The following TNRC6B variants were observed in gnomAD, a reference collection of about 807,000 sequenced individuals.
TNRC6B encodes trinucleotide repeat-containing gene 6B protein.
A neutral mutation model predicts 203.6 loss-of-function variants in TNRC6B; 52 were observed. That is an observed-to-expected ratio of 0.26 (90% confidence interval 0.20 to 0.32). TNRC6B has a LOEUF of 0.32. Ranked by LOEUF, TNRC6B falls within the 10% of genes least tolerant of loss-of-function variation. The probability of loss-of-function intolerance (pLI) is 1.00; values close to 1 mark genes in which losing one functional copy is unlikely to be tolerated. For synonymous variants in TNRC6B, 838 were observed against 845.7 expected (o/e 0.99, Z 0.16); for missense variants, 1,923 against 2,286.2 (o/e 0.84, Z 3.24).
At chr22:40,226,381 G>T (rs960282643) in intron 1 of TNRC6B, among the ~76,000 whole-genome samples, 5 of 152,042 alleles carry the variant, frequency 3.3e-5, no homozygotes, top group Admixed American at 6.5e-5. Flanking sequence ...GGATTTCCAG[G>T]ATTCGAATAA....
chr22:40,128,175 G>GTT (rs2146326189), intron 3 of TNRC6B, among the ~76,000 whole-genome samples: 1 of 152,262 alleles, frequency 6.6e-6, no homozygotes, highest in East Asian at 1.9e-4. Context: ...ATCAGCCTTA[G>GTT]TTTAACTCAG....
At chr22:40,263,156 C>G (rs1304221600) in intron 4 of TNRC6B, among the ~76,000 whole-genome samples, 1 of 152,000 alleles carries the variant, frequency 6.6e-6, no homozygotes. Context: ...CTTAAAATGT[C>G]TTTTGGGGTG....
intron 4 of TNRC6B, among the ~76,000 whole-genome samples, chr22:40,264,147 G>T (rs963415267): frequency 6.6e-6 from 1 of 152,320 alleles, no homozygotes; most frequent in African/African-American, 2.4e-5. Flanking sequence ...ACAAGTTGTG[G>T]AATGTCAAGT....
At chr22:40,220,343 G>A (rs2069690952) in intron 1 of TNRC6B, among the ~76,000 whole-genome samples, 1 of 152,142 alleles carries the variant, frequency 6.6e-6, no homozygotes, top group Non-Finnish European at 1.5e-5. Context: ...CAAGGCAGCA[G>A]GTATACTCAG....
intron 11 of TNRC6B, 52 bp from the exon 12 acceptor site, chr22:40,285,593 T>C: frequency 6.3e-7 from 1 of 1,585,614 alleles, no homozygotes; most frequent in Middle Eastern, 1.7e-4. Flanking sequence ...TGTTTCTTAC[T>C]TGCATTTTCT....
In TNRC6B at chr22:40,148,588, A is replaced by G. The variant is rs572678254; in HGVS notation, c.46-7527A>G. Among the ~76,000 whole-genome samples, 6 of 150,054 alleles carry G rather than the reference A, an allele frequency of 4.0e-5. No individual in the cohort carries two copies. In the South Asian group the frequency reaches 1.3e-3, roughly 32 times the overall value. ...GTGGGCCACCGCGCCGGGCCAGAAA[A>G]CAGCTTCTTAAAAAGTTAAAACATG... On this transcript the variant is annotated intron_variant, in intron 3 of 23. Transcript: ENST00000301923.
intron 1 of TNRC6B, among the ~76,000 whole-genome samples, chr22:40,059,842 G>T (rs1156680143): frequency 9.2e-6 from 1 of 108,898 alleles, no homozygotes; most frequent in Non-Finnish European, 1.8e-5. Flanking sequence ...TTTTCCCCCC[G>T]AGACGGAGTC....
intron 1 of TNRC6B, among the ~76,000 whole-genome samples, chr22:40,227,630 T>C (rs1257824292): frequency 6.6e-6 from 1 of 152,104 alleles, no homozygotes; most frequent in Non-Finnish European, 1.5e-5. Context: ...GGATTACAGG[T>C]GTGAGCCACT....
intron 1 of TNRC6B, among the ~76,000 whole-genome samples, chr22:40,195,096 A>G (rs2069319854): frequency 6.6e-6 from 1 of 152,234 alleles, no homozygotes; most frequent in Non-Finnish European, 1.5e-5. Flanking sequence ...TTATTTGCAG[A>G]GACAACAATG....
rs34769532 is a variant in TNRC6B, at chr22:40,225,742, CAAAAAAAAAAAAA to C, written c.6-20260_6-20248del. 7.8e-5 allele frequency among the ~76,000 whole-genome samples: 5 copies of C among 64,352 alleles called. No individual in the cohort carries two copies. In the Admixed American group the frequency reaches 8.6e-4, roughly 11 times the overall value. The allele number at this position is 64,352 out of a possible 152,430, so 42.2% of individuals were successfully genotyped here. On this transcript the variant is annotated intron_variant, in intron 1 of 22. Coordinates refer to ENST00000454349, the MANE Select transcript of TNRC6B (RefSeq NM_001162501.2). The stretch of plus-strand genomic sequence containing the variant: ...TGAGCGACAGAGTGAGACTCCGTCT[CAAAAAAAAAAAAA>C]AAAAAAAAAAAAGAAGGAGAAGAAC...
At chr22:40,291,451 A>G (rs1048694777) in intron 12 of TNRC6B, among the ~76,000 whole-genome samples, 1 of 152,194 alleles carries the variant, frequency 6.6e-6, no homozygotes, top group African/African-American at 2.4e-5. Context: ...ATTCTTAAAG[A>G]AACCTCCAAC....
chr22:40,211,636 T>G (rs2069564831), intron 1 of TNRC6B, among the ~76,000 whole-genome samples: 1 of 152,090 alleles, frequency 6.6e-6, no homozygotes, highest in Non-Finnish European at 1.5e-5. Context: ...GACTCCTCCC[T>G]TCTCTATATT....
intron 1 of TNRC6B, among the ~76,000 whole-genome samples, chr22:40,056,182 G>T (rs563064976): frequency 6.6e-6 from 1 of 152,224 alleles, no homozygotes; most frequent in South Asian, 2.1e-4. Context: ...GCTTTCAGTT[G>T]CAGGATGTCC....
At chr22:40,074,668 A>G (rs1022571401) in intron 1 of TNRC6B, among the ~76,000 whole-genome samples, 1 of 151,910 alleles carries the variant, frequency 6.6e-6, no homozygotes, top group African/African-American at 2.4e-5. Flanking sequence ...AGTCCCAGCT[A>G]CCTGGGAGGC....
intron 1 of TNRC6B, among the ~76,000 whole-genome samples, chr22:40,046,240 A>C (rs533099998): frequency 3.2e-4 from 49 of 152,352 alleles, no homozygotes; most frequent in African/African-American, 1.1e-3. Flanking sequence ...TGGCTTCGAA[A>C]GTACAGATGT....
At chr22:40,315,231 A>G (rs2071242347) in intron 19 of TNRC6B, 52 bp from the exon 20 acceptor site, 2 of 1,486,474 alleles carry the variant, frequency 1.3e-6, no homozygotes, top group South Asian at 1.2e-5. Flanking sequence ...GTATTTGTCA[A>G]CAAAAGTGAA....
Position 40,088,500 on chromosome 22 carries a change from C to T in TNRC6B, c.-120-28555C>T, listed in dbSNP as rs536911480. Among the ~76,000 whole-genome samples the T allele has an allele frequency of 4.6e-5, 7 of 152,142 alleles. No individual in the cohort carries two copies. In the East Asian group the frequency reaches 9.7e-4, roughly 21 times the overall value. On this transcript the variant is annotated intron_variant, in intron 1 of 23. Transcript: ENST00000301923. Reference sequence around the variant, plus strand: ...AGTCTCAGCTTACTGCAACCTCCGCCTCCTAGATTCCAGCAATTCTCCTGC... The same window carrying T: ...AGTCTCAGCTTACTGCAACCTCCGCTTCCTAGATTCCAGCAATTCTCCTGC...
chr22:40,132,462 C>G (rs1448115822), intron 3 of TNRC6B, among the ~76,000 whole-genome samples: 2 of 150,486 alleles, frequency 1.3e-5, no homozygotes, highest in Non-Finnish European at 2.9e-5. Flanking sequence ...GCCTGGGTGA[C>G]AGTGTGAAAC....
rs139908 is a variant in TNRC6B, at chr22:40,301,172, TGCAGCA to T, written c.3979_3984del (p.Gln1327_Gln1328del). ...CAGCTGGCTCGAATGGTGAGTGCAC[TGCAGCA>T]GCAGCAGCAGCAGCAGCAGAGGCAG... On this transcript the variant is annotated inframe_deletion, in exon 15 of 23. Transcript: ENST00000454349. The T allele has an allele frequency of 1.3e-4, 196 of 1,529,636 alleles. No homozygotes were observed. The highest frequency in any genetic ancestry group is 1.6e-4 in the Non-Finnish European group (179 of 1,132,152). The allele number at this position is 1,529,636 out of a possible 1,614,324, so 94.8% of individuals were successfully genotyped here.
Sources: allele counts gnomAD v4.1 joint callset (sites outside exome capture counted in the v4.1 genomes callset), GRCh38; gene constraint gnomAD v4.1.1; transcripts MANE v1.5; gene names NCBI Gene and HGNC (gene_info 2026-07-23, HGNC 2026-07-21).